The following PCDHB16 variants were observed in gnomAD, a reference collection of about 807,000 sequenced individuals.
PCDHB16 encodes the protein protocadherin beta-16.
For missense variants in PCDHB16, 1,026 were observed against 989.9 expected (o/e 1.04, Z -0.49); for synonymous variants, 444 against 436.5 (o/e 1.02, Z -0.21).
chr5:141,182,434 T>C lies in PCDHB16; in HGVS notation c.-126T>C. The C allele has an allele frequency of 1.3e-6, 1 of 754,202 alleles. No homozygotes were observed. Among genetic ancestry groups the C allele is most frequent in the Non-Finnish European group, 2.0e-6 (1 of 494,130 alleles). The allele number at this position is 754,202 out of a possible 1,614,324, so 46.7% of individuals were successfully genotyped here. ...AAGAATAGCTGAGCCAGAGCGAACGTGAGTGTGAAACCTCTTTAAGACACC... is the reference window on the plus strand; with the variant it reads ...AAGAATAGCTGAGCCAGAGCGAACGCGAGTGTGAAACCTCTTTAAGACACC... On this transcript the variant is annotated 5_prime_UTR_variant, in exon 1 of 1. Coordinates refer to ENST00000609684, the MANE Select transcript of PCDHB16 (RefSeq NM_020957.4).
rs572504846 is a variant in PCDHB16, at chr5:141,186,033, G to GA, written c.*1151dup. 1.2e-4 allele frequency: 119 copies of GA among 991,912 alleles called. No individual in the cohort carries two copies. The highest frequency in any genetic ancestry group is 1.2e-4 in the Admixed American group (2 of 16,186). The allele number at this position is 991,912 out of a possible 1,614,324, so 61.4% of individuals were successfully genotyped here. A position where few individuals can be genotyped will look rare whatever the true frequency, so the allele number is the denominator to read the frequency against. Reference sequence around the variant, plus strand: ...CTAACAACTCAATCTCATTAAGTTGGAAAAAAAACTTATCAAAGAGACATT... The same window carrying GA: ...CTAACAACTCAATCTCATTAAGTTGGAAAAAAAAACTTATCAAAGAGACATT... On this transcript the variant is annotated 3_prime_UTR_variant, in exon 1 of 1. Transcript: ENST00000609684.
chr5:141,182,511 TC>T lies in PCDHB16; in HGVS notation c.-47del. On this transcript the variant is annotated 5_prime_UTR_variant, in exon 1 of 1. Transcript: ENST00000609684. Reference sequence around the variant, plus strand: ...GGACTGCAAAACAGTTCTACTAGGATCCTGGGGATACATGAAGCTTCTGTGA... The same window carrying T: ...GGACTGCAAAACAGTTCTACTAGGATCTGGGGATACATGAAGCTTCTGTGA... 6.8e-7 allele frequency: 1 copy of T among 1,479,294 alleles called. No homozygotes were observed. The highest frequency in any genetic ancestry group is 9.1e-7 in the Non-Finnish European group (1 of 1,104,264). 91.6% of individuals were successfully genotyped at this position (1,479,294 alleles called of 1,614,324 possible).
Position 141,183,667 on chromosome 5 carries a change from G to T in PCDHB16, c.1108G>T (p.Val370Phe). The change falls in exon 1 of 1, where the codon GTT becomes TTT. Residue 370 changes from valine (V) to phenylalanine (F), a missense_variant. Coordinates refer to ENST00000609684, the MANE Select transcript of PCDHB16 (RefSeq NM_020957.4). ...SPEIVVAVFS[V>F]SDPDSGNNGK... ...TGAGATAGTAGTTGCTGTTTTCAGC[G>T]TTTCAGATCCTGACTCCGGAAACAA... 1 of 1,614,134 alleles carries T rather than the reference G, an allele frequency of 6.2e-7. No individual in the cohort carries two copies. Among genetic ancestry groups the T allele is most frequent in the Non-Finnish European group, 8.5e-7 (1 of 1,180,036 alleles).
Position 141,183,124 on chromosome 5 carries a change from A to G in PCDHB16, c.565A>G (p.Arg189Gly). 6.2e-7 allele frequency: 1 copy of G among 1,614,212 alleles called. No homozygotes were observed. The highest frequency in any genetic ancestry group is 1.3e-5 in the African/African-American group (1 of 75,060). ...RVLIHEFRDGRKYPELVLDKE... is the reference protein window; with the variant it reads ...RVLIHEFRDGGKYPELVLDKE... ...TCTAATCCATGAATTCAGAGATGGC[A>G]GGAAATACCCTGAGCTAGTGTTGGA... Residue 189 changes from arginine (R) to glycine (G), a missense_variant, in exon 1 of 1, where the codon AGG becomes GGG. By Grantham distance (125) the Arg-to-Gly change is moderately radical (BLOSUM62 -2). Coordinates refer to ENST00000609684, the MANE Select transcript of PCDHB16 (RefSeq NM_020957.4).
Position 141,184,785 on chromosome 5 carries a change from C to G in PCDHB16, c.2226C>G (p.Thr742=). 6.2e-7 allele frequency: 1 copy of G among 1,614,212 alleles called. No individual in the cohort carries two copies. The highest frequency in any genetic ancestry group is 8.5e-7 in the Non-Finnish European group (1 of 1,180,038). Residue 742 remains threonine (T), a synonymous_variant, in exon 1 of 1, where the codon ACC becomes ACG. Transcript: ENST00000609684. ...GGCGTCTGGTGGACGTAAGCGGCAC[C>G]GGGACCCTGTCCCAGAGCTACCAAT... ...FPGRLVDVSG[T]GTLSQSYQYE...
In PCDHB16 at chr5:141,185,034, G is replaced by T. The variant is rs528589544; in HGVS notation, c.*144G>T. ...TGTTCATGCTCACCACCACCAATAA[G>T]GTATTTTTCTCTGATTGTTAGTTCA... On this transcript the variant is annotated 3_prime_UTR_variant, in exon 1 of 1. Transcript: ENST00000609684. The T allele has an allele frequency of 6.9e-6, 10 of 1,449,378 alleles. No homozygotes were observed. In the East Asian group the frequency reaches 2.5e-4, roughly 36 times the overall value. The allele number at this position is 1,449,378 out of a possible 1,614,324, so 89.8% of individuals were successfully genotyped here.
Position 141,183,915 on chromosome 5 carries a change from C to G in PCDHB16, c.1356C>G (p.Thr452=). The G allele has an allele frequency of 6.2e-7, 1 of 1,614,122 alleles. No individual in the cohort carries two copies. The highest frequency in any genetic ancestry group is 8.5e-7 in the Non-Finnish European group (1 of 1,180,034). The change falls in exon 1 of 1, where the codon ACC becomes ACG. Residue 452 remains threonine (T), a synonymous_variant. Coordinates refer to ENST00000609684, the MANE Select transcript of PCDHB16 (RefSeq NM_020957.4). ...SDVNDNAPTF[T]QTSYTLFVRE... ...TCAATGATAACGCCCCCACTTTCAC[C>G]CAAACCTCCTACACCCTGTTCGTCC...
In PCDHB16 at chr5:141,183,377, C is replaced by A; in HGVS notation, c.818C>A (p.Ala273Asp). The part of the protein sequence containing the change: ...TVSARDLDGG[A>D]NGKISYTLFQ... ...TCCGCCAGGGATTTAGACGGCGGAG[C>A]CAATGGAAAAATATCATACACACTC... Residue 273 changes from alanine (A) to aspartate (D), a missense_variant, in exon 1 of 1, where the codon GCC becomes GAC. Coordinates refer to ENST00000609684, the MANE Select transcript of PCDHB16 (RefSeq NM_020957.4). 6.2e-7 allele frequency: 1 copy of A among 1,614,110 alleles called. No individual in the cohort carries two copies. The highest frequency in any genetic ancestry group is 8.5e-7 in the Non-Finnish European group (1 of 1,180,024).
rs782556392 is a variant in PCDHB16 at position 141,184,410 on chromosome 5, G to A, written c.1851G>A (p.Val617=). The A allele has an allele frequency of 9.3e-6, 15 of 1,606,792 alleles. No individual in the cohort carries two copies. The Admixed American group carries it at 1.0e-4, about 11-fold the overall frequency. Residue 617 remains valine (V), a synonymous_variant, in exon 1 of 1, where the codon GTG becomes GTA. Transcript: ENST00000609684. The part of the protein sequence containing the change: ...LKATEPGLFG[V]WAHNGEVRTA... ...CCACGGAGCCCGGGCTGTTCGGTGT[G>A]TGGGCGCACAATGGCGAGGTGCGCA...
Position 141,185,385 on chromosome 5 carries a change from C to G in PCDHB16, c.*495C>G. 1 of 736,700 alleles carries G rather than the reference C, an allele frequency of 1.4e-6. No individual in the cohort carries two copies. The highest frequency in any genetic ancestry group is 1.7e-6 in the Non-Finnish European group (1 of 596,032). The allele number at this position is 736,700 out of a possible 1,614,324, so 45.6% of individuals were successfully genotyped here. A position where few individuals can be genotyped will look rare whatever the true frequency, so the allele number is the denominator to read the frequency against. ...CATTATAATACTTTTCTTAAAGTTT[C>G]TTTCTTTCTTTTCTTTTCTTTCTTT... On this transcript the variant is annotated 3_prime_UTR_variant, in exon 1 of 1. Coordinates refer to ENST00000609684, the MANE Select transcript of PCDHB16 (RefSeq NM_020957.4).
chr5:141,183,962 T>A lies in PCDHB16; in HGVS notation c.1403T>A (p.Leu468Gln), dbSNP rs200575392. ...LFVRENNSPA[L>Q]HIGSVSATDR... ...GTCCGCGAGAACAACAGCCCCGCCC[T>A]GCACATCGGCAGCGTCAGCGCCACA... Residue 468 changes from leucine to glutamine, a missense_variant, in exon 1 of 1, where the codon CTG becomes CAG. Coordinates refer to ENST00000609684, the MANE Select transcript of PCDHB16 (RefSeq NM_020957.4). 8.7e-6 allele frequency: 14 copies of A among 1,613,004 alleles called. No homozygotes were observed. Among genetic ancestry groups the A allele is most frequent in the Non-Finnish European group, 1.2e-5 (14 of 1,179,892 alleles).
chr5:141,185,082 T>C lies in PCDHB16; in HGVS notation c.*192T>C. On this transcript the variant is annotated 3_prime_UTR_variant, in exon 1 of 1. Coordinates refer to ENST00000609684, the MANE Select transcript of PCDHB16 (RefSeq NM_020957.4). ...TCAAATTATATTGTTAATTCCAGTT[T>C]CCCTTTTCCTCATATTTACCCCGAA... 1 of 1,415,858 alleles carries C rather than the reference T, an allele frequency of 7.1e-7. No individual in the cohort carries two copies. Among genetic ancestry groups the C allele is most frequent in the Non-Finnish European group, 9.2e-7 (1 of 1,083,590 alleles). The allele number at this position is 1,415,858 out of a possible 1,614,324, so 87.7% of individuals were successfully genotyped here.
Position 141,184,872 on chromosome 5 carries a change from C to T in PCDHB16, c.2313C>T (p.Ile771=). 6.2e-7 allele frequency: 1 copy of T among 1,614,210 alleles called. No individual in the cohort carries two copies. Among genetic ancestry groups the T allele is most frequent in the South Asian group, 1.1e-5 (1 of 91,080 alleles). ...TSEFKFLKPI[I]PNFSP is the part of the protein sequence containing the mutation. ...AGTTCAAGTTCCTGAAGCCGATTAT[C>T]CCCAACTTCTCTCCTTAGGGCACTA... Residue 771 remains isoleucine (I), a synonymous_variant, in exon 1 of 1, where the codon ATC becomes ATT. Transcript: ENST00000609684.
rs17844661 is a variant in PCDHB16 at position 141,184,346 on chromosome 5, C to T, written c.1787C>T (p.Ser596Leu). 1.6e-3 allele frequency: 2,543 copies of T among 1,593,956 alleles called. 68 individuals carry two copies. In the African/African-American group the frequency reaches 0.031, roughly 20 times the overall value. ...VTKVVAVDGD[S>L]GQNAWLSYQL... ...AAGGTGGTGGCGGTGGACGGCGACT[C>T]GGGCCAGAATGCCTGGCTGTCGTAC... is the stretch of plus-strand genomic sequence containing the variant. Residue 596 changes from serine to leucine, a missense_variant, in exon 1 of 1, where the codon TCG becomes TTG. By Grantham distance (145) the Ser-to-Leu change is moderately radical. Transcript: ENST00000609684.
Position 141,182,834 on chromosome 5 carries a change from G to A in PCDHB16, c.275G>A (p.Arg92Gln), listed in dbSNP as rs782772782. Residue 92 changes from arginine (R) to glutamine (Q), a missense_variant, in exon 1 of 1, where the codon CGA becomes CAA. Arg to Gln is a conservative substitution (Grantham distance 43). Coordinates refer to ENST00000609684, the MANE Select transcript of PCDHB16 (RefSeq NM_020957.4). ...GDLLINEKLD[R>Q]EELCGPTEPC... ...TTGCTCATAAATGAGAAGCTAGATC[G>A]AGAGGAGCTATGCGGTCCCACTGAG... is the stretch of plus-strand genomic sequence containing the variant. The A allele has an allele frequency of 9.9e-6, 16 of 1,614,058 alleles. No individual in the cohort carries two copies. Among genetic ancestry groups the A allele is most frequent in the Non-Finnish European group, 1.3e-5 (15 of 1,180,042 alleles).
rs782552457 is a variant in PCDHB16 at position 141,183,831 on chromosome 5, A to C, written c.1272A>C (p.Thr424=). 1 of 1,614,114 alleles carries C rather than the reference A, an allele frequency of 6.2e-7. No individual in the cohort carries two copies. Among genetic ancestry groups the C allele is most frequent in the Non-Finnish European group, 8.5e-7 (1 of 1,180,054 alleles). Residue 424 remains threonine, a synonymous_variant, in exon 1 of 1, where the codon ACA becomes ACC. Coordinates refer to ENST00000609684, the MANE Select transcript of PCDHB16 (RefSeq NM_020957.4). The part of the protein sequence containing the change: ...RAEYNITLTV[T]DMGTPRLKTE... ...AATATAATATCACCCTCACCGTCAC[A>C]GATATGGGGACTCCAAGGCTGAAAA...
Position 141,182,859 on chromosome 5 carries a change from G to T in PCDHB16, c.300G>T (p.Glu100Asp). Residue 100 changes from glutamate to aspartate, a missense_variant, in exon 1 of 1, where the codon GAG (glutamate) becomes GAT (aspartate). Physicochemically the swap from Glu to Asp is conservative, Grantham distance 45. Coordinates refer to ENST00000609684, the MANE Select transcript of PCDHB16 (RefSeq NM_020957.4). ...LDREELCGPT[E>D]PCILHFQVLM... ...GAGAGGAGCTATGCGGTCCCACTGA[G>T]CCTTGCATACTACATTTCCAAGTGT... 1 of 1,614,108 alleles carries T rather than the reference G, an allele frequency of 6.2e-7. No individual in the cohort carries two copies.
Position 141,183,059 on chromosome 5 carries a change from T to C in PCDHB16, c.500T>C (p.Val167Ala), listed in dbSNP as rs61743222. The change falls in exon 1 of 1, where the codon GTT (valine) becomes GCT (alanine). Residue 167 changes from valine (V) to alanine (A), a missense_variant. Physicochemically the swap from Val to Ala is moderately conservative, Grantham distance 64 (BLOSUM62 0). Coordinates refer to ENST00000609684, the MANE Select transcript of PCDHB16 (RefSeq NM_020957.4). Reference sequence around the variant, plus strand: ...GACTTGGACGTAGGAAGCAATAATGTTCAAAACTATAAAATCAGCCCAAGC... The same window carrying C: ...GACTTGGACGTAGGAAGCAATAATGCTCAAAACTATAAAATCAGCCCAAGC... ...ALDLDVGSNN[V>A]QNYKISPSSH... The C allele has an allele frequency of 3.6e-3, 5,891 of 1,614,164 alleles. 19 individuals are homozygous for C. Among genetic ancestry groups the C allele is most frequent in the Non-Finnish European group, 4.4e-3 (5,217 of 1,180,048 alleles).
Position 141,182,845 on chromosome 5 carries a change from T to A in PCDHB16, c.286T>A (p.Cys96Ser). 6.2e-7 allele frequency: 1 copy of A among 1,614,174 alleles called. No homozygotes were observed. The highest frequency in any genetic ancestry group is 8.5e-7 in the Non-Finnish European group (1 of 1,180,044). ...TGAGAAGCTAGATCGAGAGGAGCTATGCGGTCCCACTGAGCCTTGCATACT... is the reference window on the plus strand; with the variant it reads ...TGAGAAGCTAGATCGAGAGGAGCTAAGCGGTCCCACTGAGCCTTGCATACT... ...INEKLDREEL[C>S]GPTEPCILHF... is the part of the protein sequence containing the mutation. The change falls in exon 1 of 1, where the codon TGC (cysteine) becomes AGC (serine). Residue 96 changes from cysteine (C) to serine (S), a missense_variant. Coordinates refer to ENST00000609684, the MANE Select transcript of PCDHB16 (RefSeq NM_020957.4).
Sources: gnomAD v4.1 joint callset for allele counts on GRCh38, gnomAD v4.1.1 for gene constraint, MANE v1.5 for transcripts, NCBI Gene and HGNC (gene_info 2026-07-23, HGNC 2026-07-21) for gene names.